RASGRP3: variants seen among roughly 807,000 people sequenced by gnomAD.
The protein encoded by RASGRP3 is ras guanyl-releasing protein 3.
Under a neutral mutation model 82.7 loss-of-function variants are expected in RASGRP3, and 54 were observed. That is an observed-to-expected ratio of 0.65 (90% CI 0.52 to 0.82). RASGRP3 has a LOEUF of 0.82. Ranked by LOEUF, RASGRP3 falls within the 40% of genes least tolerant of loss-of-function variation. The pLI is 0.00. For synonymous variants in RASGRP3, 309 were observed against 300.5 expected, an observed-to-expected ratio of 1.03 and a Z score of -0.29; for missense variants, 861 against 828.9, an observed-to-expected ratio of 1.04 and a Z score of -0.48.
At chr2:33,540,563 TGTGTGTGTGTGTGTGTG>T (rs1674185707) in intron 12 of RASGRP3, among the ~76,000 whole-genome samples, 7 of 27,372 alleles carry the variant, frequency 2.6e-4, no homozygotes, top group Admixed American at 8.5e-4. Context: ...GTTTTGTGTG[TGTGTGTGTGTGTGTGTG>T]TGTGTGTGTG....
At chr2:33,561,499 A>T (rs1323853964) in intron 17 of RASGRP3, among the ~76,000 whole-genome samples, 1 of 152,216 alleles carries the variant, frequency 6.6e-6, no homozygotes, top group African/African-American at 2.4e-5. Context: ...GTACCATTCA[A>T]ATCAGTAACA....
At chr2:33,548,267 A>T (rs1675003771) in intron 13 of RASGRP3, among the ~76,000 whole-genome samples, 1 of 147,198 alleles carries the variant, frequency 6.8e-6, no homozygotes. Context: ...AGGCTGAGGC[A>T]GGAGAATGGC....
At chr2:33,466,517 A>G (rs1189150595) in intron 2 of RASGRP3, among the ~76,000 whole-genome samples, 1 of 152,064 alleles carries the variant, frequency 6.6e-6, no homozygotes, top group Admixed American at 6.5e-5. Context: ...TGTCTCTACT[A>G]AAAATACAAA....
intron 1 of RASGRP3, among the ~76,000 whole-genome samples, chr2:33,484,625 T>G (rs1379619179): frequency 2.6e-5 from 4 of 152,184 alleles, no homozygotes; most frequent in African/African-American, 9.7e-5. Context: ...CAGTCACTCT[T>G]GATTCTGAAA....
At chr2:33,481,158 C>G (rs141618947) in intron 1 of RASGRP3, 16 of 152,688 alleles carry the variant, frequency 1.0e-4, no homozygotes, top group African/African-American at 3.9e-4. Flanking sequence ...TGCTATCTTT[C>G]TTTTGTTTTG....
intron 13 of RASGRP3, among the ~76,000 whole-genome samples, chr2:33,547,070 AAAAAG>A (rs1674844508): frequency 6.8e-6 from 1 of 147,884 alleles, no homozygotes; most frequent in South Asian, 2.2e-4. Flanking sequence ...AAAAAAAAAA[AAAAAG>A]AGAGAGAGAA....
intron 1 of RASGRP3, among the ~76,000 whole-genome samples, chr2:33,504,155 T>C (rs1439371494): frequency 6.6e-6 from 1 of 152,206 alleles, no homozygotes; most frequent in Non-Finnish European, 1.5e-5. Flanking sequence ...TCTGGAATCA[T>C]GTTCAGATAT....
intron 1 of RASGRP3, among the ~76,000 whole-genome samples, chr2:33,444,707 T>C (rs201247318): frequency 8.5e-5 from 13 of 152,206 alleles, no homozygotes; most frequent in African/African-American, 3.1e-4. Flanking sequence ...GGACTGGCAG[T>C]TTTGGAGATT....
At chr2:33,525,426 T>A (rs904917227) in intron 9 of RASGRP3, among the ~76,000 whole-genome samples, 6 of 152,020 alleles carry the variant, frequency 3.9e-5, no homozygotes, top group African/African-American at 1.4e-4. Flanking sequence ...GATAGTTGTT[T>A]TTCTTCTTGA....
At position 33,534,447 on chromosome 2, in the gene RASGRP3, T is replaced by A. The variant is rs753670355; in HGVS notation, c.1161+47T>A. The A allele has an allele frequency of 6.2e-5, 81 of 1,309,606 alleles. No individual in the cohort carries two copies. The Middle Eastern group carries it at 9.0e-4, about 15-fold the overall frequency. 81.1% of individuals were successfully genotyped at this position (1,309,606 alleles called of 1,614,324 possible). A position where few individuals can be genotyped will look rare whatever the true frequency, so the allele number is the denominator to read the frequency against. ...AGGATCAGTACCAATCACTATTTTT[T>A]GTCATGTACAGTAATTGGCTATTAC... On this transcript the variant is annotated intron_variant, in intron 11 of 17. Transcript: ENST00000403687.
chr2:33,495,807 A>G (rs929328679), intron 1 of RASGRP3, among the ~76,000 whole-genome samples: 1 of 152,194 alleles, frequency 6.6e-6, no homozygotes, highest in Admixed American at 6.5e-5. Flanking sequence ...GAAAGAGAAA[A>G]GGCACATAGT....
At chr2:33,448,495 A>C (rs773466193) in intron 2 of RASGRP3, among the ~76,000 whole-genome samples, 3 of 152,240 alleles carry the variant, frequency 2.0e-5, no homozygotes, top group Non-Finnish European at 2.9e-5. Flanking sequence ...AAAAGGAATG[A>C]AGTTCTCATA....
In RASGRP3 at chr2:33,540,896, A is replaced by C. The variant is rs553684583; in HGVS notation, c.1278+1686A>C. ...AAGGTAATGTTTTCTGATTTTGCAC[A>C]ATTCTGTTACCTACAAAAAAGCTTG... On this transcript the variant is annotated intron_variant, in intron 12 of 17. Transcript: ENST00000403687. Among the ~76,000 whole-genome samples, 7 of 146,170 alleles carry C rather than the reference A, an allele frequency of 4.8e-5. 1 individual carries two copies. In the East Asian group the frequency reaches 7.7e-4, roughly 16 times the overall value.
upstream of RASGRP3, among the ~76,000 whole-genome samples, chr2:33,471,755 T>A (rs778773601): frequency 2.6e-5 from 4 of 152,180 alleles, no homozygotes; most frequent in Non-Finnish European, 5.9e-5. Context: ...ATCTGTTGTT[T>A]TTTGACTTCT....
intron 2 of RASGRP3, among the ~76,000 whole-genome samples, chr2:33,456,302 T>G (rs1333605428): frequency 6.6e-6 from 1 of 152,210 alleles, no homozygotes; most frequent in Non-Finnish European, 1.5e-5. Flanking sequence ...GTTTAGACCA[T>G]CTACACTGTG....
intron 2 of RASGRP3, among the ~76,000 whole-genome samples, chr2:33,458,990 T>A (rs73926661): frequency 0.024 from 3,680 of 152,276 alleles, 134 homozygotes; most frequent in African/African-American, 0.085. Flanking sequence ...ATATATTTTT[T>A]AAAAAATTAT....
intron 10 of RASGRP3, chr2:33,533,355 C>T (rs1422327177): frequency 6.6e-6 from 1 of 152,166 alleles, no homozygotes; most frequent in Non-Finnish European, 1.5e-5. Context: ...TTCACAAGGA[C>T]CTCCATGAAT....
chr2:33,504,238 G>T (rs958309638), intron 1 of RASGRP3, among the ~76,000 whole-genome samples: 11 of 152,084 alleles, frequency 7.2e-5, no homozygotes, highest in Admixed American at 4.6e-4. Flanking sequence ...GACCCATAAA[G>T]CTTAGTATCT....
chr2:33,489,591 G>T (rs998006550), intron 1 of RASGRP3, among the ~76,000 whole-genome samples: 2 of 152,086 alleles, frequency 1.3e-5, no homozygotes, highest in African/African-American at 4.8e-5. Flanking sequence ...TTTTTGGCAA[G>T]ATCTGGCTCT....
Sources: allele counts gnomAD v4.1 joint callset (sites outside exome capture counted in the v4.1 genomes callset), GRCh38; gene constraint gnomAD v4.1.1; transcripts MANE v1.5; gene names NCBI Gene and HGNC (gene_info 2026-07-23, HGNC 2026-07-21).